The following CNTN5 variants were observed in gnomAD, a reference collection of about 807,000 sequenced individuals.
CNTN5 encodes contactin-5.
Under a neutral mutation model 129.1 loss-of-function variants are expected in CNTN5, and 77 were observed. The ratio of observed to expected loss-of-function variants is 0.60; its 90% CI spans 0.50 to 0.72. CNTN5 has a LOEUF of 0.72. CNTN5 is among the 30% of genes least tolerant of loss of function. The probability of loss-of-function intolerance (pLI) is 0.00; values close to 1 mark genes in which losing one functional copy is unlikely to be tolerated. For synonymous variants in CNTN5, 509 were observed against 465.6 expected, an observed-to-expected ratio of 1.09 and a Z score of -1.20; for missense variants, 1,478 against 1,328.8, an observed-to-expected ratio of 1.11 and a Z score of -1.75.
chr11:99,980,530 A>G (rs937240030), intron 8 of CNTN5, among the ~76,000 whole-genome samples: 5 of 152,180 alleles, frequency 3.3e-5, no homozygotes, highest in African/African-American at 9.7e-5. Context: ...ATCGCGCACA[A>G]ACAGAACTAG....
At chr11:99,230,702 G>T (rs1200490928) in intron 1 of CNTN5, among the ~76,000 whole-genome samples, 2 of 152,066 alleles carry the variant, frequency 1.3e-5, no homozygotes, top group African/African-American at 4.8e-5. Context: ...AGGATGTGCA[G>T]GTTTGTTACA....
chr11:99,385,883 C>T (rs1390700004), intron 2 of CNTN5, among the ~76,000 whole-genome samples: 1 of 152,134 alleles, frequency 6.6e-6, no homozygotes, highest in African/African-American at 2.4e-5. Flanking sequence ...CAGTCTTCCT[C>T]ATGTTGTCAA....
rs142477401 is a variant in CNTN5, at chr11:100,266,788, C to T, written c.2165-4304C>T. On this transcript the variant is annotated intron_variant, in intron 17 of 24. Coordinates refer to ENST00000524871, the MANE Select transcript of CNTN5 (RefSeq NM_014361.4). The stretch of plus-strand genomic sequence containing the variant: ...ATTTTTATATGTATTTTACATAAAG[C>T]TTATAATAATTACATCAAGATTCAA... Among the ~76,000 whole-genome samples the T allele has an allele frequency of 1.9e-3, 296 of 151,880 alleles. 2 individuals are homozygous for T. The highest frequency in any genetic ancestry group is 6.6e-3 in the African/African-American group (274 of 41,426).
chr11:99,848,857 A>G (rs1327868978), intron 6 of CNTN5, among the ~76,000 whole-genome samples: 2 of 152,188 alleles, frequency 1.3e-5, no homozygotes, highest in South Asian at 2.1e-4. Context: ...TGAGGTACCA[A>G]CCAAATGAGT....
chr11:99,688,876 G>A (rs1054171027), intron 3 of CNTN5, among the ~76,000 whole-genome samples: 2 of 151,916 alleles, frequency 1.3e-5, no homozygotes, highest in African/African-American at 2.4e-5. Flanking sequence ...ACTGTTCCTG[G>A]GTTAGTTTGC....
chr11:99,610,911 A>T (rs969021873), intron 3 of CNTN5, among the ~76,000 whole-genome samples: 2 of 152,208 alleles, frequency 1.3e-5, no homozygotes, highest in African/African-American at 4.8e-5. Context: ...CTATGTGCTT[A>T]GAAAAAAGCG....
Position 99,222,201 on chromosome 11 carries a change from TAA to T in CNTN5, c.-209-103144_-209-103143del, listed in dbSNP as rs527316584. On this transcript the variant is annotated intron_variant, in intron 1 of 24. Transcript: ENST00000524871. ...ATGAATGTATGTAATTAATATAAAT[TAA>T]GTCTAAAATTTATAGACATATAGAT... 7.8e-4 allele frequency among the ~76,000 whole-genome samples: 118 copies of T among 152,072 alleles called. 1 individual carries two copies. Among genetic ancestry groups the T allele is most frequent in the African/African-American group, 2.7e-3 (111 of 41,542 alleles).
At chr11:100,088,449 A>G (rs1944636877) in intron 13 of CNTN5, among the ~76,000 whole-genome samples, 2 of 152,052 alleles carry the variant, frequency 1.3e-5, no homozygotes, top group South Asian at 2.1e-4. Context: ...ATGAAACCAA[A>G]TTTGGTTCTT....
At chr11:99,351,199 T>C (rs543845779) in intron 2 of CNTN5, among the ~76,000 whole-genome samples, 3 of 152,356 alleles carry the variant, frequency 2.0e-5, no homozygotes, top group Admixed American at 2.0e-4. Flanking sequence ...CTCCCTGTTA[T>C]ACTAGTAATT....
chr11:100,069,623 T>C (rs1052876769), intron 10 of CNTN5, among the ~76,000 whole-genome samples: 1 of 152,148 alleles, frequency 6.6e-6, no homozygotes, highest in African/African-American at 2.4e-5. Context: ...AAACAACATA[T>C]AAATGAATGA....
intron 8 of CNTN5, among the ~76,000 whole-genome samples, chr11:99,983,434 G>A (rs796957249): frequency 1.3e-5 from 2 of 152,162 alleles, no homozygotes; most frequent in South Asian, 2.1e-4. Context: ...GGATGGGCTC[G>A]AATGCAATAC....
At chr11:99,219,855 A>G (rs563434288) in intron 1 of CNTN5, among the ~76,000 whole-genome samples, 1 of 151,942 alleles carries the variant, frequency 6.6e-6, no homozygotes, top group Non-Finnish European at 1.5e-5. Flanking sequence ...ATAAAATCAA[A>G]AAGTCTTAAA....
intron 2 of CNTN5, among the ~76,000 whole-genome samples, chr11:99,541,811 G>A (rs1948117572): frequency 6.6e-6 from 1 of 151,850 alleles, no homozygotes; most frequent in East Asian, 1.9e-4. Flanking sequence ...TGGCTACGTA[G>A]GATGGCATGT....
intron 2 of CNTN5, among the ~76,000 whole-genome samples, chr11:99,333,102 T>C (rs995664888): frequency 1.3e-5 from 2 of 152,058 alleles, no homozygotes; most frequent in South Asian, 4.1e-4. Context: ...ACAAGATCAG[T>C]GTTTAGTCAA....
intron 7 of CNTN5, among the ~76,000 whole-genome samples, chr11:99,927,254 C>T (rs1950083351): frequency 6.6e-6 from 1 of 152,134 alleles, no homozygotes; most frequent in Non-Finnish European, 1.5e-5. Flanking sequence ...GTTACCACCA[C>T]ATTGCAAATG....
intron 23 of CNTN5, 27 bp downstream of exon 23, chr11:100,341,232 A>T (rs1952153638): frequency 6.8e-7 from 1 of 1,476,994 alleles, no homozygotes; most frequent in Non-Finnish European, 9.5e-7. Context: ...TCTTTTGCAT[A>T]GATACTCATC....
intron 1 of CNTN5, among the ~76,000 whole-genome samples, chr11:99,088,064 G>A (rs575888471): frequency 6.6e-6 from 1 of 152,246 alleles, no homozygotes; most frequent in South Asian, 2.1e-4. Flanking sequence ...TGGAGGAGAG[G>A]TGCTGAGAAC....
At chr11:99,881,164 T>C (rs1948761494) in intron 6 of CNTN5, among the ~76,000 whole-genome samples, 1 of 152,136 alleles carries the variant, frequency 6.6e-6, no homozygotes, top group Non-Finnish European at 1.5e-5. Context: ...ATGAGTGAGA[T>C]TTTTTTCTGT....
At chr11:99,149,801 A>C (rs934986872) in intron 1 of CNTN5, among the ~76,000 whole-genome samples, 12 of 152,206 alleles carry the variant, frequency 7.9e-5, no homozygotes, top group South Asian at 2.1e-4. Flanking sequence ...CACACACACA[A>C]AAAAATGTAT....
Sources: gnomAD v4.1 joint callset for allele counts (sites outside exome capture counted in the v4.1 genomes callset) on GRCh38, gnomAD v4.1.1 for gene constraint, MANE v1.5 for transcripts, NCBI Gene and HGNC (gene_info 2026-07-23, HGNC 2026-07-21) for gene names.